Variants in TMEM154 observed in about 807,000 individuals in gnomAD.
TMEM154 encodes the protein transmembrane protein 154.
TMEM154 carries 27 observed loss-of-function variants against 24.5 expected under a neutral mutation model. The observed-to-expected ratio is 1.10, with a 90% confidence interval of 0.81 to 1.52. TMEM154 has a LOEUF of 1.52. Among genes scored for constraint, TMEM154 ranks in the 40% most tolerant of loss-of-function variants. The pLI, the probability that TMEM154 is intolerant of heterozygous loss-of-function variation, is 0.00. For missense variants in TMEM154, 228 were observed against 213.4 expected (o/e 1.07, Z -0.43); for synonymous variants, 67 against 76.8 (o/e 0.87, Z 0.67).
chr4:152,660,268 T>C (rs1448446792), intron 1 of TMEM154, among the ~76,000 whole-genome samples: 1 of 152,086 alleles, frequency 6.6e-6, no homozygotes, highest in East Asian at 1.9e-4. Flanking sequence ...CATATGGGTA[T>C]GATGAGGTTG....
intron 1 of TMEM154, among the ~76,000 whole-genome samples, chr4:152,664,129 G>A (rs1485133904): frequency 1.3e-5 from 2 of 152,150 alleles, no homozygotes; most frequent in Non-Finnish European, 2.9e-5. Context: ...CAACCCAAAT[G>A]CCCATCAATG....
At position 152,646,339 on chromosome 4, in the gene TMEM154, C is replaced by T. The variant is rs529838804; in HGVS notation, c.365-1897G>A. Reference sequence around the variant, plus strand: ...GCACCAAATGTGAAGCTCCTGTAATCAGTTTGAAAACAGAGCAAAAAGCTT... The same window carrying T: ...GCACCAAATGTGAAGCTCCTGTAATTAGTTTGAAAACAGAGCAAAAAGCTT... On this transcript the variant is annotated intron_variant, in intron 3 of 6. Coordinates refer to ENST00000304385, the MANE Select transcript of TMEM154 (RefSeq NM_152680.3). Among the ~76,000 whole-genome samples the T allele has an allele frequency of 5.3e-5, 8 of 152,302 alleles. No homozygotes were observed. The East Asian group carries it at 1.4e-3, about 26-fold the overall frequency.
At position 152,643,312 on chromosome 4, in the gene TMEM154, G is replaced by A. The variant is rs1289700074; in HGVS notation, c.393-139C>T. 43 of 635,904 alleles carry A rather than the reference G, an allele frequency of 6.8e-5. No homozygotes were observed. The East Asian group carries it at 1.2e-3, about 18-fold the overall frequency. 39.4% of individuals were successfully genotyped at this position (635,904 alleles called of 1,614,324 possible). On this transcript the variant is annotated intron_variant, in intron 4 of 6. Transcript: ENST00000304385. The stretch of plus-strand genomic sequence containing the variant: ...ATGCTCTAGGGAAGCCTGGGGGCTT[G>A]CCCTATTCCAAACTACCAAACTTTA...
In TMEM154 at chr4:152,655,312, A is replaced by C. The variant is rs1409773145; in HGVS notation, c.65-2385T>G. ...GGAAAGGGTAGTGGTCCATATTTCC[A>C]CTGCAGACTCCTGCAGCCTAGCCAC... On this transcript the variant is annotated intron_variant, in intron 1 of 6. Coordinates refer to ENST00000304385, the MANE Select transcript of TMEM154 (RefSeq NM_152680.3). 3.9e-5 allele frequency among the ~76,000 whole-genome samples: 6 copies of C among 152,178 alleles called. No individual in the cohort carries two copies. The East Asian group carries it at 1.2e-3, about 29-fold the overall frequency.
intron 1 of TMEM154, among the ~76,000 whole-genome samples, chr4:152,670,863 T>C (rs2149790553): frequency 6.6e-6 from 1 of 152,318 alleles, no homozygotes; most frequent in East Asian, 1.9e-4. Flanking sequence ...GTGGCCATTC[T>C]AAGTGGCCAT....
intron 1 of TMEM154, among the ~76,000 whole-genome samples, chr4:152,658,972 A>T (rs138260395): frequency 6.6e-6 from 1 of 152,360 alleles, no homozygotes; most frequent in East Asian, 1.9e-4. Flanking sequence ...CAAAAAACTA[A>T]CAAGAGAACT....
At chr4:152,628,634 CT>C in intron 6 of TMEM154, 73 bp from the exon 7 acceptor site, 2 of 1,118,242 alleles carry the variant, frequency 1.8e-6, no homozygotes, top group Non-Finnish European at 2.2e-6. Flanking sequence ...TAATATATTT[CT>C]TTCTTTTTTT....
chr4:152,621,724 A>G lies in TMEM154; in HGVS notation c.*6822T>C, dbSNP rs1751846221. 6.6e-6 allele frequency: 1 copy of G among 152,156 alleles called. No homozygotes were observed. The highest frequency in any genetic ancestry group is 1.5e-5 in the Non-Finnish European group (1 of 68,016). The allele number at this position is 152,156 out of a possible 1,614,324, so 9.4% of individuals were successfully genotyped here. A position where few individuals can be genotyped will look rare whatever the true frequency, so the allele number is the denominator to read the frequency against. ...TTCAGCCTTACTTTCTTCTAATATC[A>G]AGGTGTGAGATGAGGTTAAAATTAA... On this transcript the variant is annotated 3_prime_UTR_variant, in exon 7 of 7. Coordinates refer to ENST00000304385, the MANE Select transcript of TMEM154 (RefSeq NM_152680.3).
At position 152,652,687 on chromosome 4, in the gene TMEM154, T is replaced by TTA; in HGVS notation, c.303_304dup (p.Lys102IlefsTer29). ...TTTACCTTGTTTAGTTCTTTTTCTT[T>TTA]TATAGTATGTTGCAAGGAATACCAC... On this transcript the variant is annotated frameshift_variant, in exon 2 of 7. Coordinates refer to ENST00000304385, the MANE Select transcript of TMEM154 (RefSeq NM_152680.3). LOFTEE classifies it high-confidence loss of function. 6.2e-7 allele frequency: 1 copy of TTA among 1,613,524 alleles called. No individual in the cohort carries two copies. The highest frequency in any genetic ancestry group is 8.5e-7 in the Non-Finnish European group (1 of 1,179,846).
chr4:152,657,100 G>A (rs1018600346), intron 1 of TMEM154, among the ~76,000 whole-genome samples: 1 of 149,370 alleles, frequency 6.7e-6, no homozygotes, highest in Non-Finnish European at 1.5e-5. Context: ...TTTGAAGACA[G>A]GTCTTTTGAA....
chr4:152,661,139 C>T (rs759867216), intron 1 of TMEM154, among the ~76,000 whole-genome samples: 2 of 152,090 alleles, frequency 1.3e-5, no homozygotes, highest in South Asian at 2.1e-4. Flanking sequence ...CTTGGTGGAA[C>T]GGTGGAGTTA....
At chr4:152,631,668 C>A (rs1752045573) in intron 6 of TMEM154, among the ~76,000 whole-genome samples, 1 of 152,042 alleles carries the variant, frequency 6.6e-6, no homozygotes, top group Non-Finnish European at 1.5e-5. Flanking sequence ...TGGGCTCAAG[C>A]AATCCACACA....
At chr4:152,630,014 G>C (rs1003122605) in intron 6 of TMEM154, among the ~76,000 whole-genome samples, 4 of 151,992 alleles carry the variant, frequency 2.6e-5, no homozygotes, top group Non-Finnish European at 5.9e-5. Context: ...GCAGGGAAGT[G>C]AACAAAAGGA....
Position 152,639,568 on chromosome 4 carries a change from ATCTCTC to A in TMEM154, c.536+1354_536+1359del, listed in dbSNP as rs60051091. ...TTTTCTTCCACCTGCTTGTTAATCA[ATCTCTC>A]TCTCTCTCTCTCTCCCCCTCTCTCT... is the stretch of plus-strand genomic sequence containing the variant. On this transcript the variant is annotated intron_variant, in intron 6 of 6. Transcript: ENST00000304385. Among the ~76,000 whole-genome samples the A allele has an allele frequency of 4.9e-5, 7 of 142,910 alleles. No individual in the cohort carries two copies. In the East Asian group the frequency reaches 8.2e-4, roughly 17 times the overall value. 93.8% of individuals were successfully genotyped at this position (142,910 alleles called of 152,430 possible).
At chr4:152,674,375 A>C (rs1405797869) in intron 1 of TMEM154, among the ~76,000 whole-genome samples, 1 of 152,192 alleles carries the variant, frequency 6.6e-6, no homozygotes, top group Admixed American at 6.5e-5. Flanking sequence ...CAGCTACCCC[A>C]GGCTGATCTT....
intron 6 of TMEM154, among the ~76,000 whole-genome samples, chr4:152,640,726 G>C (rs1238226174): frequency 6.6e-6 from 1 of 152,148 alleles, no homozygotes; most frequent in Non-Finnish European, 1.5e-5. Flanking sequence ...TAAAGATAAA[G>C]AGTCCTAGGA....
chr4:152,663,193 G>C (rs1269853800), intron 1 of TMEM154, among the ~76,000 whole-genome samples: 1 of 152,188 alleles, frequency 6.6e-6, no homozygotes. Flanking sequence ...TCCATCACCT[G>C]TTCTCTTTCC....
intron 1 of TMEM154, among the ~76,000 whole-genome samples, chr4:152,660,676 G>T (rs1425325549): frequency 6.6e-6 from 1 of 152,168 alleles, no homozygotes. Flanking sequence ...CCTCAGGGAG[G>T]AATGCAATGC....
chr4:152,648,117 A>G (rs957967983), intron 3 of TMEM154, among the ~76,000 whole-genome samples: 3 of 152,240 alleles, frequency 2.0e-5, no homozygotes, highest in Non-Finnish European at 4.4e-5. Context: ...GTGTGAACAA[A>G]GTATTCTGAG....
Sources: allele counts gnomAD v4.1 joint callset (sites outside exome capture counted in the v4.1 genomes callset), GRCh38; gene constraint gnomAD v4.1.1; transcripts MANE v1.5; gene names NCBI Gene and HGNC (gene_info 2026-07-23, HGNC 2026-07-21).